AHRR: variants seen among roughly 807,000 people sequenced by gnomAD.
AHRR encodes ahR repressor.
A neutral mutation model predicts 44.0 loss-of-function variants in AHRR; 28 were observed. The observed-to-expected ratio is 0.64, with a 90% CI of 0.47 to 0.87. AHRR has a LOEUF of 0.87. Among genes scored for constraint, AHRR ranks in the 40% least tolerant of loss-of-function variants. AHRR has a pLI of 0.00. For synonymous variants in AHRR, 434 were observed against 407.0 expected, an observed-to-expected ratio of 1.07 and a Z score of -0.80; for missense variants, 990 against 953.9, an observed-to-expected ratio of 1.04 and a Z score of -0.50.
chr5:408,777 A>T (rs1207271388), intron 4 of AHRR, among the ~76,000 whole-genome samples: 1 of 152,190 alleles, frequency 6.6e-6, no homozygotes, highest in Non-Finnish European at 1.5e-5. Flanking sequence ...ACCTGTGAAG[A>T]TCTGGTAGAA....
At position 432,856 on chromosome 5, in the gene AHRR, G is replaced by T; in HGVS notation, c.1021G>T (p.Ala341Ser). 1 of 1,613,720 alleles carries T rather than the reference G, an allele frequency of 6.2e-7. No homozygotes were observed. The highest frequency in any genetic ancestry group is 1.1e-5 in the South Asian group (1 of 91,072). ...GVLVLREQTD[A>S]GRWAQVPARA... ...TTTGGTGCTCAGGGAACAGACTGAC[G>T]CTGGCCGATGGGCACAGGTTCCCGC... Residue 341 changes from alanine to serine, a missense_variant, in exon 10 of 11, where the codon GCT becomes TCT. Physicochemically the swap from Ala to Ser is moderately conservative, Grantham distance 99. Transcript: ENST00000684583.
chr5:355,362 C>T (rs1331627014), intron 3 of AHRR, among the ~76,000 whole-genome samples: 3 of 152,192 alleles, frequency 2.0e-5, no homozygotes, highest in African/African-American at 7.2e-5. Flanking sequence ...TGGGACACGC[C>T]TTTCATGGAT....
chr5:436,008 C>G lies in AHRR; in HGVS notation c.*1174C>G, dbSNP rs1737016019. 6.5e-6 allele frequency: 1 copy of G among 152,814 alleles called. No individual in the cohort carries two copies. The highest frequency in any genetic ancestry group is 1.5e-5 in the Non-Finnish European group (1 of 68,128). The allele number at this position is 152,814 out of a possible 1,614,324, so 9.5% of individuals were successfully genotyped here. A position where few individuals can be genotyped will look rare whatever the true frequency, so the allele number is the denominator to read the frequency against. Reference sequence around the variant, plus strand: ...CACCCGGCTGGTGCAGGCATCAGATCAGGGTGTAGAAGTCACCCCAAGCAA... The same window carrying G: ...CACCCGGCTGGTGCAGGCATCAGATGAGGGTGTAGAAGTCACCCCAAGCAA... On this transcript the variant is annotated 3_prime_UTR_variant, in exon 11 of 11. Transcript: ENST00000684583.
At chr5:369,303 T>C (rs1294200709) in intron 3 of AHRR, among the ~76,000 whole-genome samples, 1 of 152,202 alleles carries the variant, frequency 6.6e-6, no homozygotes, top group Non-Finnish European at 1.5e-5. Flanking sequence ...GGGCATTCTG[T>C]CTTAACCCCC....
At chr5:418,617 G>T (rs2126524372) in intron 5 of AHRR, 1 of 152,350 alleles carries the variant, frequency 6.6e-6, no homozygotes, top group Admixed American at 6.5e-5. Flanking sequence ...GGGCACTTGG[G>T]GTGGGGGTCA....
At chr5:380,025 G>T (rs1185753866) in intron 4 of AHRR, among the ~76,000 whole-genome samples, 1 of 152,116 alleles carries the variant, frequency 6.6e-6, no homozygotes, top group African/African-American at 2.4e-5. Context: ...TGAGGTAGGG[G>T]TCAAGATTTA....
At chr5:330,813 A>G (rs1233189105) in intron 1 of AHRR, among the ~76,000 whole-genome samples, 1 of 151,070 alleles carries the variant, frequency 6.6e-6, no homozygotes, top group Non-Finnish European at 1.5e-5. Flanking sequence ...ATTTTTTGGA[A>G]CAGTTTCAGG....
In AHRR at chr5:387,046, G is replaced by T. The variant is rs1381760027; in HGVS notation, c.351+10330G>T. 6.6e-6 allele frequency among the ~76,000 whole-genome samples: 1 copy of T among 152,238 alleles called. No homozygotes were observed. ...GGGAGCCTTGTTTCCATATCCGTTT[G>T]ATTGTCAAAGCCTCTGCTGCACGGG... is the stretch of plus-strand genomic sequence containing the variant. On this transcript the variant is annotated intron_variant, in intron 4 of 10. Transcript: ENST00000684583. The surrounding 1 kb of genome is among the most constrained non-coding windows in gnomAD (Gnocchi z 5.1).
At chr5:351,836 G>T (rs1418585248) in intron 2 of AHRR, among the ~76,000 whole-genome samples, 1 of 152,240 alleles carries the variant, frequency 6.6e-6, no homozygotes, top group Non-Finnish European at 1.5e-5. Flanking sequence ...AATGGAGTTT[G>T]TGCCGCAGAG....
intron 5 of AHRR, chr5:420,805 GCAGCCACCCACCCACGCAGC>G (rs1736052103): frequency 5.0e-5 from 4 of 79,850 alleles, no homozygotes; most frequent in South Asian, 4.1e-4. Flanking sequence ...ACGCAGCCAC[GCAGCCACCCACCCACGCAGC>G]CACCCACCCA....
chr5:418,047 G>T (rs534516111), intron 5 of AHRR, among the ~76,000 whole-genome samples: 1 of 152,186 alleles, frequency 6.6e-6, no homozygotes, highest in Non-Finnish European at 1.5e-5. Context: ...AGAGCTCGTC[G>T]ATCAGAGCAG....
At chr5:416,395 G>T (rs1170132628) in intron 5 of AHRR, among the ~76,000 whole-genome samples, 1 of 152,254 alleles carries the variant, frequency 6.6e-6, no homozygotes, top group Non-Finnish European at 1.5e-5. Context: ...GCTGGGAAAA[G>T]CCCTGGTGCC....
Position 436,786 on chromosome 5 carries a change from G to A in AHRR, c.*1952G>A, listed in dbSNP as rs1737100293. On this transcript the variant is annotated 3_prime_UTR_variant, in exon 11 of 11. Coordinates refer to ENST00000684583, the MANE Select transcript of AHRR (RefSeq NM_001377236.1). ...ACAGAGCTACCCAGGGGCCAGCCAT[G>A]GGGTGACCAGCCACCTGAGGGTCAG... is the stretch of plus-strand genomic sequence containing the variant. 6.6e-6 allele frequency: 1 copy of A among 152,394 alleles called. No homozygotes were observed. Among genetic ancestry groups the A allele is most frequent in the Non-Finnish European group, 1.5e-5 (1 of 68,098 alleles). 9.4% of individuals were successfully genotyped at this position (152,394 alleles called of 1,614,324 possible).
intron 1 of AHRR, among the ~76,000 whole-genome samples, chr5:328,350 C>A (rs1741795090): frequency 7.0e-6 from 1 of 143,062 alleles, no homozygotes; most frequent in Admixed American, 7.4e-5. Context: ...TCACTGCAAC[C>A]TCTGCCTCCT....
chr5:432,699 A>G, intron 9 of AHRR, 107 bp from the exon 10 acceptor site: 2 of 1,578,838 alleles, frequency 1.3e-6, no homozygotes, highest in South Asian at 1.1e-5. Context: ...TGGTCTGTGC[A>G]TTTCTGAGGA....
chr5:416,256 A>G (rs942361910), intron 5 of AHRR, among the ~76,000 whole-genome samples: 9 of 152,202 alleles, frequency 5.9e-5, no homozygotes, highest in Non-Finnish European at 2.9e-5. Flanking sequence ...CAGGGTGGAG[A>G]CACAGCTCTG....
At position 434,151 on chromosome 5, in the gene AHRR, G is replaced by A; in HGVS notation, c.1411G>A (p.Val471Ile). 2 of 1,609,052 alleles carry A rather than the reference G, an allele frequency of 1.2e-6. No individual in the cohort carries two copies. Among genetic ancestry groups the A allele is most frequent in the African/African-American group, 2.7e-5 (2 of 74,976 alleles). ...SSRTSRPMRD[V>I]GEDQVHPPLC... ...CCGGACCAGCAGACCCATGCGGGAT[G>A]TCGGTGAGGACCAGGTGCACCCTCC... The change falls in exon 11 of 11, where the codon GTC (valine) becomes ATC (isoleucine). Residue 471 changes from valine to isoleucine, a missense_variant. Coordinates refer to ENST00000684583, the MANE Select transcript of AHRR (RefSeq NM_001377236.1).
At chr5:413,194 T>C in intron 4 of AHRR, 150 bp from the exon 5 acceptor site, 1 of 523,916 alleles carries the variant, frequency 1.9e-6, no homozygotes, top group Non-Finnish European at 3.3e-6. Context: ...GACAAAATGG[T>C]AATAAATAAA....
chr5:428,771 G>A (rs1009360292), intron 8 of AHRR, among the ~76,000 whole-genome samples: 5 of 152,208 alleles, frequency 3.3e-5, no homozygotes, highest in Admixed American at 2.6e-4. Context: ...GCCCCATGGC[G>A]GGGGTGGGGG....
Sources: allele counts gnomAD v4.1 joint callset (sites outside exome capture counted in the v4.1 genomes callset), GRCh38; gene constraint gnomAD v4.1.1; non-coding constraint Gnocchi (gnomAD v3.1); transcripts MANE v1.5; gene names NCBI Gene and HGNC (gene_info 2026-07-23, HGNC 2026-07-21).